Variants in AMZ1 observed in about 807,000 individuals in gnomAD.
The protein encoded by AMZ1 is archaelysin family metallopeptidase 1.
Under a neutral mutation model 29.9 loss-of-function variants are expected in AMZ1, and 39 were observed. The observed-to-expected ratio is 1.30, with a 90% CI of 1.01 to 1.70. The LOEUF (loss-of-function observed/expected upper bound fraction) is 1.70. Ranked by LOEUF, AMZ1 falls within the 40% of genes most tolerant of loss-of-function variation. The probability of loss-of-function intolerance (pLI) is 0.00; values close to 1 mark genes in which losing one functional copy is unlikely to be tolerated. For synonymous variants in AMZ1, 458 were observed against 304.0 expected (o/e 1.51, Z -5.27); for missense variants, 1,041 against 680.6 (o/e 1.53, Z -5.89).
At chr7:2,721,606 T>G (rs549442535), downstream of AMZ1, among the ~76,000 whole-genome samples, 6 of 151,836 alleles carry the variant, frequency 4.0e-5, no homozygotes, top group East Asian at 1.2e-3. Flanking sequence ...GTCCCAGCTA[T>G]TTGGGAGGCT....
At chr7:2,683,763 A>G (rs907069086), upstream of AMZ1, among the ~76,000 whole-genome samples, 7 of 152,084 alleles carry the variant, frequency 4.6e-5, no homozygotes, top group South Asian at 8.3e-4. Flanking sequence ...AATATTTTGT[A>G]GAGATGCTGC....
intron 4 of AMZ1, among the ~76,000 whole-genome samples, chr7:2,726,509 G>A (rs1789623095): frequency 6.6e-6 from 1 of 152,168 alleles, no homozygotes; most frequent in African/African-American, 2.4e-5. Context: ...GTGTCCCCAG[G>A]GCAGAGAGCC....
At chr7:2,753,581 T>A (rs942403785) in intron 4 of AMZ1, among the ~76,000 whole-genome samples, 3 of 152,186 alleles carry the variant, frequency 2.0e-5, no homozygotes, top group Non-Finnish European at 4.4e-5. Context: ...TATTTAACCA[T>A]TTACCAATCT....
intron 4 of AMZ1, among the ~76,000 whole-genome samples, chr7:2,751,287 G>A (rs552308411): frequency 6.6e-6 from 1 of 151,760 alleles, no homozygotes; most frequent in Non-Finnish European, 1.5e-5. Context: ...TCAGCAGGGG[G>A]AGCTGAGGTG....
chr7:2,710,315 A>G (rs79047837), intron 6 of AMZ1, among the ~76,000 whole-genome samples: 1,909 of 152,310 alleles, frequency 0.013, 36 homozygotes, highest in African/African-American at 0.043. Context: ...GCTCGTCCGT[A>G]TTCATGGACA....
At chr7:2,688,777 G>A (rs1470952527) in intron 1 of AMZ1, among the ~76,000 whole-genome samples, 2 of 152,204 alleles carry the variant, frequency 1.3e-5, no homozygotes, top group Non-Finnish European at 2.9e-5. Flanking sequence ...GTATGAGCCG[G>A]GGAGGGAGAA....
chr7:2,730,985 T>C (rs1012726968), intron 4 of AMZ1: 2 of 534,260 alleles, frequency 3.7e-6, no homozygotes, highest in African/African-American at 3.8e-5. Flanking sequence ...CAGGATTCAG[T>C]AGCTAACGTG....
chr7:2,685,913 T>A (rs1203285146), upstream of AMZ1, among the ~76,000 whole-genome samples: 1 of 148,626 alleles, frequency 6.7e-6, no homozygotes, highest in Non-Finnish European at 1.5e-5. Flanking sequence ...GGGTTCTCCA[T>A]CCCCAACAGA....
At position 2,700,564 on chromosome 7, in the gene AMZ1, C is replaced by T. The variant is rs1481203423; in HGVS notation, c.113C>T (p.Pro38Leu). The T allele has an allele frequency of 3.1e-6, 5 of 1,609,992 alleles. No individual in the cohort carries two copies. The African/African-American group carries it at 5.3e-5, about 17-fold the overall frequency. Residue 38 changes from proline (P) to leucine (L), a missense_variant, in exon 2 of 7, where the codon CCT becomes CTT. Physicochemically the swap from Pro to Leu is moderately conservative, Grantham distance 98. Transcript: ENST00000683327. The stretch of plus-strand genomic sequence containing the variant: ...CAGCTGTATGTGTCCGCCTTCTCCC[C>T]TGCCGAGCGGCTCTTCCTGGCCGAG... ...LQQLYVSAFS[P>L]AERLFLAEAY...
chr7:2,692,278 C>G lies in AMZ1; in HGVS notation c.-219+3982C>G, dbSNP rs188310303. Among the ~76,000 whole-genome samples the G allele has an allele frequency of 1.8e-4, 27 of 152,178 alleles. 1 individual carries two copies. The South Asian group carries it at 5.2e-3, about 29-fold the overall frequency. The stretch of plus-strand genomic sequence containing the variant: ...GAGCTTGGCCGGGCGTGGTGGCTCA[C>G]GCCTGTAATCCCAACACTCTGGGAG... On this transcript the variant is annotated intron_variant, in intron 1 of 6. Transcript: ENST00000683327.
chr7:2,746,422 G>T (rs1005174660), intron 4 of AMZ1, among the ~76,000 whole-genome samples: 14 of 151,994 alleles, frequency 9.2e-5, no homozygotes, highest in Non-Finnish European at 2.1e-4. Context: ...ATGACTACTG[G>T]GTACATAATG....
At chr7:2,762,516 T>A, upstream of AMZ1, 1 of 1,038,664 alleles carries the variant, frequency 9.6e-7, no homozygotes, top group Non-Finnish European at 1.4e-6. Flanking sequence ...AACTGTGGAC[T>A]ACAAAAGCAG....
chr7:2,699,448 C>T (rs1787922874), intron 1 of AMZ1, among the ~76,000 whole-genome samples: 1 of 152,206 alleles, frequency 6.6e-6, no homozygotes. Context: ...GGCACAAACG[C>T]CTGCCCTGAC....
At chr7:2,755,653 T>C (rs965784301) in intron 4 of AMZ1, among the ~76,000 whole-genome samples, 1 of 152,240 alleles carries the variant, frequency 6.6e-6, no homozygotes, top group African/African-American at 2.4e-5. Context: ...GGTAGATTCC[T>C]TGGGATTTTC....
chr7:2,759,550 T>G lies in AMZ1; in HGVS notation n.551-5162T>G, dbSNP rs798492. Among the ~76,000 whole-genome samples the G allele has an allele frequency of 9.9e-5, 15 of 152,138 alleles. No homozygotes were observed. In the South Asian group the frequency reaches 3.1e-3, roughly 32 times the overall value. ...AGGAAAGGAATAATTAGCCAAATACTAGAATAGTGGTGACGCTGGGGTGGC... is the reference window on the plus strand; with the variant it reads ...AGGAAAGGAATAATTAGCCAAATACGAGAATAGTGGTGACGCTGGGGTGGC... On this transcript the variant is annotated intron_variant and non_coding_transcript_variant, in intron 4 of 4. Transcript: ENST00000489665.
Position 2,708,268 on chromosome 7 carries a change from C to T in AMZ1, c.473-320C>T, listed in dbSNP as rs79092688. On this transcript the variant is annotated intron_variant, in intron 3 of 6. Coordinates refer to ENST00000683327, the MANE Select transcript of AMZ1 (RefSeq NM_001384743.1). ...TGAGACGTGGACTCTCTGGGGCTGT[C>T]GCTCAGCTGCTGAGGTGGCTTCTCC... Among the ~76,000 whole-genome samples, 1,535 of 152,284 alleles carry T rather than the reference C, an allele frequency of 0.01. 13 individuals carry two copies. The Middle Eastern group carries it at 0.11, about 10-fold the overall frequency.
chr7:2,744,672 T>C (rs1303210587), intron 4 of AMZ1, among the ~76,000 whole-genome samples: 1 of 152,128 alleles, frequency 6.6e-6, no homozygotes, highest in Admixed American at 6.5e-5. Context: ...GGATGGACAA[T>C]GACTTTGACG....
intron 1 of AMZ1, among the ~76,000 whole-genome samples, chr7:2,682,795 C>T (rs760536484): frequency 3.3e-5 from 5 of 151,864 alleles, no homozygotes; most frequent in Non-Finnish European, 7.4e-5. Context: ...CTTTTCTGAC[C>T]CTGCCCCACT....
rs965244265 is a variant in AMZ1, at chr7:2,716,997, G to C, written c.*4119G>C. ...TTCTAAAAGCAAGCTGGAGCGGTCTGAGCAGGAAGAGAGTAAGAAGGCGCA... is the reference window on the plus strand; with the variant it reads ...TTCTAAAAGCAAGCTGGAGCGGTCTCAGCAGGAAGAGAGTAAGAAGGCGCA... On this transcript the variant is annotated 3_prime_UTR_variant, in exon 7 of 7. Coordinates refer to ENST00000683327, the MANE Select transcript of AMZ1 (RefSeq NM_001384743.1). Among the ~76,000 whole-genome samples, 1 of 152,212 alleles carries C rather than the reference G, an allele frequency of 6.6e-6. No homozygotes were observed. Among genetic ancestry groups the C allele is most frequent in the Non-Finnish European group, 1.5e-5 (1 of 68,042 alleles).
Sources: gnomAD v4.1 joint callset for allele counts (sites outside exome capture counted in the v4.1 genomes callset) on GRCh38, gnomAD v4.1.1 for gene constraint, MANE v1.5 for transcripts, NCBI Gene and HGNC (gene_info 2026-07-23, HGNC 2026-07-21) for gene names.